CFAP100: variants seen among roughly 807,000 people sequenced by gnomAD.
CFAP100 encodes cilia and flagella associated protein 100.
In CFAP100, 70 loss-of-function variants were observed where a neutral mutation model predicts 81.5. That is an observed-to-expected ratio of 0.86 (90% CI 0.71 to 1.05). CFAP100 has a LOEUF of 1.05. Ranked by LOEUF, CFAP100 falls within the 50% of genes least tolerant of loss-of-function variation. CFAP100 has a pLI of 0.00. For missense variants in CFAP100, 811 were observed against 776.5 expected (o/e 1.04, Z -0.53); for synonymous variants, 341 against 314.8 (o/e 1.08, Z -0.88).
intron 2 of CFAP100, among the ~76,000 whole-genome samples, chr3:126,399,419 A>C (rs1283458937): frequency 6.6e-6 from 1 of 152,222 alleles, no homozygotes; most frequent in Non-Finnish European, 1.5e-5. Flanking sequence ...GAAAAAGAAA[A>C]AAAGAAGTAA....
chr3:126,434,525 G>C, intron 15 of CFAP100, 144 bp downstream of exon 15: 1 of 802,282 alleles, frequency 1.2e-6, no homozygotes, highest in Admixed American at 3.0e-5. Flanking sequence ...CCATGTCTTG[G>C]GGGGATCTAG....
rs530624156 is a variant in CFAP100, at chr3:126,416,269, G to A, written c.226-47G>A. ...GGGAACCGCGCGGGGAGGCCTGGAC[G>A]CGGGTGGGGAGCCTGGGCCCCGCCC... On this transcript the variant is annotated intron_variant, in intron 4 of 16. Transcript: ENST00000352312. The A allele has an allele frequency of 3.4e-5, 48 of 1,408,252 alleles. No individual in the cohort carries two copies. In the East Asian group the frequency reaches 1.1e-3, roughly 33 times the overall value. The allele number at this position is 1,408,252 out of a possible 1,614,324, so 87.2% of individuals were successfully genotyped here.
chr3:126,420,352 C>A, intron 11 of CFAP100, 123 bp downstream of exon 11: 1 of 1,347,850 alleles, frequency 7.4e-7, no homozygotes, highest in Non-Finnish European at 1.0e-6. Flanking sequence ...AGTCCCTACT[C>A]CAAGAAGGGC....
intron 2 of CFAP100, among the ~76,000 whole-genome samples, chr3:126,403,555 G>A (rs1247090007): frequency 6.6e-6 from 1 of 151,906 alleles, no homozygotes; most frequent in Admixed American, 6.6e-5. Flanking sequence ...GCTAATTATT[G>A]TATTTTTAGT....
chr3:126,429,577 C>T (rs1327405129), intron 13 of CFAP100, among the ~76,000 whole-genome samples: 1 of 147,766 alleles, frequency 6.8e-6, no homozygotes, highest in Non-Finnish European at 1.5e-5. Context: ...TTTCAGTGAT[C>T]TGCTTTGATT....
At position 126,434,380 on chromosome 3, in the gene CFAP100, A is replaced by T. The variant is rs1400326215; in HGVS notation, c.1627A>T (p.Arg543Ter). The T allele has an allele frequency of 1.9e-6, 3 of 1,612,000 alleles. No individual in the cohort carries two copies. Among genetic ancestry groups the T allele is most frequent in the East Asian group, 4.5e-5 (2 of 44,866 alleles). The change falls in exon 15 of 17, where the codon AGA becomes TGA. Residue 543 changes from arginine to a stop codon, truncating the protein, a stop_gained and splice_region_variant. Coordinates refer to ENST00000352312, the MANE Select transcript of CFAP100 (RefSeq NM_182628.3). LOFTEE classifies it high-confidence loss of function. Reference protein sequence around the residue: ...ERAKEKERRIRLREEKLQMQK... With the variant: ...ERAKEKERRI ...GGCAAAGGAGAAGGAGCGGCGCATC[A>T]GGTGAGCTCTAGGCTCTCCCTGCCA...
intron 5 of CFAP100, among the ~76,000 whole-genome samples, chr3:126,417,415 C>T (rs1246324500): frequency 6.6e-6 from 1 of 152,214 alleles, no homozygotes; most frequent in Non-Finnish European, 1.5e-5. Flanking sequence ...AGAGTCCTGG[C>T]GCACAGGGGA....
chr3:126,419,028 C>A, intron 7 of CFAP100, 48 bp from the exon 8 acceptor site: 1 of 1,176,624 alleles, frequency 8.5e-7, no homozygotes, highest in Non-Finnish European at 1.2e-6. Context: ...AATAGGCTGC[C>A]ACTGGCCCCT....
At chr3:126,403,887 C>T (rs908730355) in intron 2 of CFAP100, among the ~76,000 whole-genome samples, 1 of 152,070 alleles carries the variant, frequency 6.6e-6, no homozygotes, top group African/African-American at 2.4e-5. Context: ...CTAAACAAGA[C>T]ACTAAACCCC....
In CFAP100 at chr3:126,414,343, A is replaced by C. The variant is rs1464338550; in HGVS notation, c.225+164A>C. 3 of 718,868 alleles carry C rather than the reference A, an allele frequency of 4.2e-6. No homozygotes were observed. The South Asian group carries it at 4.3e-5, about 10-fold the overall frequency. 44.5% of individuals were successfully genotyped at this position (718,868 alleles called of 1,614,324 possible). A position where few individuals can be genotyped will look rare whatever the true frequency, so the allele number is the denominator to read the frequency against. ...TACTATAAAATCAGCTGGAAACCTT[A>C]CCTGGCTCTCAGGACTCACAGCATC... On this transcript the variant is annotated intron_variant, in intron 4 of 16. Coordinates refer to ENST00000352312, the MANE Select transcript of CFAP100 (RefSeq NM_182628.3).
intron 13 of CFAP100, among the ~76,000 whole-genome samples, chr3:126,424,822 T>C (rs2083385017): frequency 6.6e-6 from 1 of 152,146 alleles, no homozygotes; most frequent in South Asian, 2.1e-4. Flanking sequence ...TAGAGAAGGC[T>C]TCCAGGAGGT....
chr3:126,416,201 A>G, intron 4 of CFAP100, 115 bp from the exon 5 acceptor site: 1 of 857,252 alleles, frequency 1.2e-6, no homozygotes, highest in Non-Finnish European at 1.8e-6. Context: ...AGCAGTGTTC[A>G]GGTCCCCGCG....
Position 126,416,408 on chromosome 3 carries a change from G to A in CFAP100, c.318G>A (p.Leu106=), listed in dbSNP as rs1173688512. The part of the protein sequence containing the change: ...SAKHTSLRRQ[L]QLEDKQEDLE... ...AGCACACCAGCCTGCGGCGGCAGCTGCAGCTGGAGGACAAGCAGGAGGACC... is the reference window on the plus strand; with the variant it reads ...AGCACACCAGCCTGCGGCGGCAGCTACAGCTGGAGGACAAGCAGGAGGACC... The change falls in exon 5 of 17, where the codon CTG becomes CTA. Residue 106 remains leucine (L), a synonymous_variant. Transcript: ENST00000352312. 18 of 1,612,054 alleles carry A rather than the reference G, an allele frequency of 1.1e-5. No homozygotes were observed. The Admixed American group carries it at 2.7e-4, about 24-fold the overall frequency.
chr3:126,400,805 T>A (rs1019248650), intron 2 of CFAP100, among the ~76,000 whole-genome samples: 1 of 152,032 alleles, frequency 6.6e-6, no homozygotes, highest in East Asian at 1.9e-4. Flanking sequence ...AGTTAAACAG[T>A]ATTAACATAT....
chr3:126,405,593 G>A (rs550073038), intron 2 of CFAP100, among the ~76,000 whole-genome samples: 2 of 152,152 alleles, frequency 1.3e-5, no homozygotes, highest in Admixed American at 6.5e-5. Flanking sequence ...AACCTGGGAG[G>A]TAGAGGTTGC....
chr3:126,419,047 T>G, intron 7 of CFAP100, 29 bp from the exon 8 acceptor site: 1 of 379,040 alleles, frequency 2.6e-6, no homozygotes, highest in Non-Finnish European at 4.9e-6. Context: ...CTTGCCCCCA[T>G]CCCTCCTCCC....
intron 13 of CFAP100, 188 bp from the exon 14 acceptor site, chr3:126,432,880 AT>A (rs1933286519): frequency 8.2e-6 from 4 of 487,128 alleles, no homozygotes; most frequent in Non-Finnish European, 1.4e-5. Flanking sequence ...ATTGTTAAAT[AT>A]TTTACATTTT....
chr3:126,404,379 A>G lies in CFAP100; in HGVS notation c.50-2793A>G, dbSNP rs181789636. Among the ~76,000 whole-genome samples the G allele has an allele frequency of 7.9e-4, 121 of 152,330 alleles. 2 individuals are homozygous for G. The Middle Eastern group carries it at 0.02, about 26-fold the overall frequency. On this transcript the variant is annotated intron_variant, in intron 2 of 16. Transcript: ENST00000352312. The stretch of plus-strand genomic sequence containing the variant: ...TGAAAGTCCATGTTCCAAAGTGTAG[A>G]AGTTTGAGATTGTTTATCTAGACAA...
In CFAP100 at chr3:126,423,502, C is replaced by T. The variant is rs139053797; in HGVS notation, c.1144C>T (p.Leu382=). The change falls in exon 13 of 17, where the codon CTG becomes TTG. Residue 382 remains leucine (L), a synonymous_variant. Coordinates refer to ENST00000352312, the MANE Select transcript of CFAP100 (RefSeq NM_182628.3). ...AACCTGTGGGTTGCAGGAACCACAG[C>T]TGTACTTCACGGAGCCCCAGCAGCT... is the stretch of plus-strand genomic sequence containing the variant. ...DTDSDGEEPQ[L]YFTEPQQLLD... 6.2e-7 allele frequency: 1 copy of T among 1,613,946 alleles called. No individual in the cohort carries two copies. The highest frequency in any genetic ancestry group is 8.5e-7 in the Non-Finnish European group (1 of 1,179,988).
Sources: allele counts gnomAD v4.1 joint callset (sites outside exome capture counted in the v4.1 genomes callset), GRCh38; gene constraint gnomAD v4.1.1; transcripts MANE v1.5; gene names NCBI Gene and HGNC (gene_info 2026-07-23, HGNC 2026-07-21).